Variants in AFG2A observed in about 807,000 individuals in gnomAD.
AFG2A encodes AAA ATPase AFG2A, also known as ATPase family gene 2 protein homolog A.
At chr4:122,984,720 G>A in the AFG2A span, among the ~76,000 whole-genome samples, 2 of 152,138 alleles carry the variant, frequency 1.3e-5, no homozygotes, top group African/African-American at 2.4e-5. Flanking sequence ...GTGTGATTGT[G>A]TTTTTAATTC....
chr4:123,227,442 G>A, the AFG2A span, among the ~76,000 whole-genome samples: 1 of 151,962 alleles, frequency 6.6e-6, no homozygotes, highest in Non-Finnish European at 1.5e-5. Context: ...AAGAACATCT[G>A]TATTTCTGCC....
the AFG2A span, among the ~76,000 whole-genome samples, chr4:122,966,392 A>C: frequency 6.6e-6 from 1 of 152,190 alleles, no homozygotes; most frequent in East Asian, 1.9e-4. Context: ...TTATTTAAAC[A>C]TGTTCTTTCA....
At chr4:123,078,732 G>A in the AFG2A span, among the ~76,000 whole-genome samples, 3 of 152,154 alleles carry the variant, frequency 2.0e-5, no homozygotes, top group East Asian at 3.9e-4. Flanking sequence ...GACCCACAGA[G>A]ATTGACTCAG....
the AFG2A span, among the ~76,000 whole-genome samples, chr4:123,095,196 AT>A: frequency 6.6e-6 from 1 of 151,210 alleles, no homozygotes; most frequent in Admixed American, 6.6e-5. Context: ...TTCTGTAGTT[AT>A]GGTGGGGAAA....
the AFG2A span, among the ~76,000 whole-genome samples, chr4:123,200,806 A>T: frequency 6.6e-6 from 1 of 152,234 alleles, no homozygotes; most frequent in Non-Finnish European, 1.5e-5. Flanking sequence ...ACCTTCAAAA[A>T]GTAAATAAAT....
the AFG2A span, among the ~76,000 whole-genome samples, chr4:122,998,145 T>A: frequency 1.3e-5 from 2 of 152,112 alleles, no homozygotes; most frequent in Non-Finnish European, 2.9e-5. Context: ...TTAAAAAAAA[T>A]TTTTGATTAA....
At chr4:123,271,256 G>A in the AFG2A span, among the ~76,000 whole-genome samples, 7 of 152,142 alleles carry the variant, frequency 4.6e-5, no homozygotes, top group Admixed American at 2.0e-4. Context: ...CTCATTTGCC[G>A]TTTACCAAAG....
the AFG2A span, among the ~76,000 whole-genome samples, chr4:123,285,907 C>G: frequency 6.6e-6 from 1 of 152,156 alleles, no homozygotes; most frequent in Admixed American, 6.5e-5. Context: ...GCAGAGAACA[C>G]TTGGAAATCA....
chr4:123,061,289 G>A, the AFG2A span, among the ~76,000 whole-genome samples: 1 of 152,126 alleles, frequency 6.6e-6, no homozygotes, highest in African/African-American at 2.4e-5. Context: ...TATCTTTACA[G>A]CAGCACCCCA....
At chr4:123,084,600 G>C in the AFG2A span, among the ~76,000 whole-genome samples, 8 of 147,136 alleles carry the variant, frequency 5.4e-5, no homozygotes, top group Non-Finnish European at 9.0e-5. Context: ...ATGTGTGTGT[G>C]TGTGTGTGTG....
At chr4:123,198,687 G>T in the AFG2A span, among the ~76,000 whole-genome samples, 1 of 152,298 alleles carries the variant, frequency 6.6e-6, no homozygotes, top group African/African-American at 2.4e-5. Flanking sequence ...AATCCTAAAA[G>T]TTCCCAATGA....
chr4:123,082,926 T>C, the AFG2A span, among the ~76,000 whole-genome samples: 1 of 152,160 alleles, frequency 6.6e-6, no homozygotes, highest in Non-Finnish European at 1.5e-5. Context: ...GGTGCTAATA[T>C]AAATGATAAT....
chr4:123,119,657 C>T, the AFG2A span, among the ~76,000 whole-genome samples: 21 of 152,066 alleles, frequency 1.4e-4, no homozygotes, highest in Non-Finnish European at 2.9e-4. Context: ...GAGCTTTAGA[C>T]CAGTTATAAT....
the AFG2A span, among the ~76,000 whole-genome samples, chr4:122,986,987 G>T: frequency 1.3e-5 from 2 of 152,014 alleles, no homozygotes; most frequent in African/African-American, 4.8e-5. Flanking sequence ...TTTTCTTTAT[G>T]TATTTAGATG....
chr4:123,191,771 A>T, the AFG2A span, among the ~76,000 whole-genome samples: 3 of 151,962 alleles, frequency 2.0e-5, no homozygotes, highest in African/African-American at 7.3e-5. Context: ...TTTGTTTTCC[A>T]TGAGTGGTTG....
chr4:123,164,851 G>A, the AFG2A span, among the ~76,000 whole-genome samples: 1 of 152,044 alleles, frequency 6.6e-6, no homozygotes, highest in Non-Finnish European at 1.5e-5. Flanking sequence ...AGATATGATG[G>A]TACTAAAGCA....
chr4:123,140,718 A>G, the AFG2A span, among the ~76,000 whole-genome samples: 1 of 152,164 alleles, frequency 6.6e-6, no homozygotes, highest in Non-Finnish European at 1.5e-5. Context: ...TATTCATGGT[A>G]ATAATAATCT....
At chr4:122,935,811 T>G in the AFG2A span, 1 of 1,612,736 alleles carries the variant, frequency 6.2e-7, no homozygotes, top group Non-Finnish European at 8.5e-7. Flanking sequence ...GAGCCTATGT[T>G]TCTGTAATTA....
chr4:123,041,672 G>A, the AFG2A span, among the ~76,000 whole-genome samples: 1 of 151,810 alleles, frequency 6.6e-6, no homozygotes, highest in Non-Finnish European at 1.5e-5. Flanking sequence ...TGGATTACAG[G>A]CATGTGCTAC....
Sources: gnomAD v4.1 joint callset for allele counts (sites outside exome capture counted in the v4.1 genomes callset) on GRCh38, gnomAD v4.1.1 for gene constraint, MANE v1.5 for transcripts, NCBI Gene and HGNC (gene_info 2026-07-23, HGNC 2026-07-21) for gene names.